RGS7: variants seen among roughly 807,000 people sequenced by gnomAD.
The protein encoded by RGS7 is regulator of G protein signaling 7.
Under a neutral mutation model 81.1 loss-of-function variants are expected in RGS7, and 27 were observed. The ratio of observed to expected loss-of-function variants is 0.33; its 90% CI spans 0.25 to 0.46. The LOEUF (loss-of-function observed/expected upper bound fraction) is 0.46. RGS7 is among the 20% of genes least tolerant of loss of function. RGS7 has a pLI of 1.00. For synonymous variants in RGS7, 208 were observed against 207.7 expected (o/e 1.00, Z -0.01); for missense variants, 396 against 607.4 (o/e 0.65, Z 3.66).
intron 2 of RGS7, among the ~76,000 whole-genome samples, chr1:241,338,998 T>TC (rs1223349879): frequency 6.6e-6 from 1 of 152,062 alleles, no homozygotes; most frequent in African/African-American, 2.4e-5. Context: ...ATCACCTAGG[T>TC]ATTAAGCCCA....
chr1:240,861,185 A>G (rs564913031), intron 9 of RGS7, among the ~76,000 whole-genome samples: 12 of 152,342 alleles, frequency 7.9e-5, no homozygotes, highest in African/African-American at 2.9e-4. Context: ...AAATAAATCA[A>G]CTATTCTCAC....
chr1:241,206,336 T>A (rs1455219601), intron 2 of RGS7, among the ~76,000 whole-genome samples: 3 of 150,704 alleles, frequency 2.0e-5, no homozygotes, highest in Non-Finnish European at 4.4e-5. Flanking sequence ...GCTATTCTCC[T>A]CCCTCCGTCT....
At chr1:241,122,249 T>C (rs1334884352) in intron 2 of RGS7, among the ~76,000 whole-genome samples, 3 of 152,224 alleles carry the variant, frequency 2.0e-5, no homozygotes, top group Non-Finnish European at 2.9e-5. Flanking sequence ...CTATACCTTC[T>C]ATTTAGCATT....
intron 4 of RGS7, among the ~76,000 whole-genome samples, chr1:240,947,843 AC>A (rs1474434137): frequency 6.6e-6 from 1 of 152,166 alleles, no homozygotes; most frequent in African/African-American, 2.4e-5. Flanking sequence ...TGATCTGGCC[AC>A]CCCAGTTACT....
At chr1:241,309,034 G>C (rs67912305) in intron 2 of RGS7, among the ~76,000 whole-genome samples, 19,596 of 152,038 alleles carry the variant, frequency 0.13, 1,664 homozygotes, top group Non-Finnish European at 0.19. Flanking sequence ...TATTTTCTTT[G>C]CATCTCTCAC....
intron 3 of RGS7, among the ~76,000 whole-genome samples, chr1:240,992,498 C>A (rs987179458): frequency 3.3e-5 from 5 of 151,880 alleles, no homozygotes; most frequent in Non-Finnish European, 7.4e-5. Flanking sequence ...AGCAAGACTC[C>A]GTCTCACAAA....
chr1:241,312,806 A>C (rs982047754), intron 2 of RGS7, among the ~76,000 whole-genome samples: 2 of 152,158 alleles, frequency 1.3e-5, no homozygotes, highest in African/African-American at 4.8e-5. Context: ...AGAAGCATGA[A>C]GCTTCATGAG....
intron 2 of RGS7, among the ~76,000 whole-genome samples, chr1:241,138,192 A>G (rs1179736504): frequency 6.6e-6 from 1 of 151,934 alleles, no homozygotes; most frequent in South Asian, 2.1e-4. Flanking sequence ...AAAAAAAAAA[A>G]AAGAGGAAAT....
At chr1:240,836,286 T>A (rs1302360571) in intron 9 of RGS7, among the ~76,000 whole-genome samples, 1 of 152,062 alleles carries the variant, frequency 6.6e-6, no homozygotes, top group Non-Finnish European at 1.5e-5. Context: ...AACAAACAAC[T>A]CATTCAAGAA....
intron 3 of RGS7, among the ~76,000 whole-genome samples, chr1:241,036,010 C>A (rs571849013): frequency 9.9e-5 from 15 of 152,144 alleles, no homozygotes; most frequent in Non-Finnish European, 1.8e-4. Context: ...ACAGATTATG[C>A]CTGATTCCAC....
intron 2 of RGS7, among the ~76,000 whole-genome samples, chr1:241,120,181 C>T (rs1217513026): frequency 6.6e-6 from 1 of 152,184 alleles, no homozygotes; most frequent in Non-Finnish European, 1.5e-5. Flanking sequence ...CCAGGTGAGC[C>T]ATCCTCAGGC....
intron 2 of RGS7, among the ~76,000 whole-genome samples, chr1:241,334,815 T>C (rs1054938233): frequency 6.6e-6 from 1 of 151,136 alleles, no homozygotes. Flanking sequence ...TCAGTAATTC[T>C]AGTTATAGAA....
At chr1:240,830,331 T>C (rs543311668) in intron 9 of RGS7, among the ~76,000 whole-genome samples, 4 of 152,352 alleles carry the variant, frequency 2.6e-5, no homozygotes, top group African/African-American at 9.6e-5. Context: ...AGCAGATGTC[T>C]GAAACACAAA....
intron 9 of RGS7, among the ~76,000 whole-genome samples, chr1:240,844,689 G>A (rs1056667178): frequency 3.3e-5 from 5 of 152,172 alleles, no homozygotes; most frequent in Non-Finnish European, 5.9e-5. Flanking sequence ...CACTCATAGC[G>A]GCTTGTGATA....
intron 6 of RGS7, among the ~76,000 whole-genome samples, chr1:240,873,869 T>C (rs1194082573): frequency 6.6e-6 from 1 of 152,150 alleles, no homozygotes; most frequent in East Asian, 1.9e-4. Context: ...TGTCATGCTA[T>C]TCTTTTTTTT....
At chr1:240,852,376 C>A (rs1200772774) in intron 9 of RGS7, among the ~76,000 whole-genome samples, 1 of 152,166 alleles carries the variant, frequency 6.6e-6, no homozygotes, top group African/African-American at 2.4e-5. Context: ...TAATAGACTA[C>A]AGTATAGTGT....
intron 2 of RGS7, among the ~76,000 whole-genome samples, chr1:241,125,463 T>C (rs2066594584): frequency 6.6e-6 from 1 of 151,272 alleles, no homozygotes; most frequent in Non-Finnish European, 1.5e-5. Context: ...CACGCTGAAT[T>C]CATCCTCCCT....
chr1:241,117,970 T>G (rs2065985673), intron 2 of RGS7, among the ~76,000 whole-genome samples: 1 of 152,196 alleles, frequency 6.6e-6, no homozygotes, highest in African/African-American at 2.4e-5. Context: ...CAATCTGCAC[T>G]AAAATAAACA....
intron 6 of RGS7, among the ~76,000 whole-genome samples, chr1:240,892,338 C>T (rs1207185947): frequency 6.6e-6 from 1 of 152,076 alleles, no homozygotes; most frequent in Admixed American, 6.6e-5. Flanking sequence ...CTTAAAATTT[C>T]TCTAGAGGTT....
Sources: gnomAD v4.1 joint callset for allele counts (sites outside exome capture counted in the v4.1 genomes callset) on GRCh38, gnomAD v4.1.1 for gene constraint, MANE v1.5 for transcripts, NCBI Gene and HGNC (gene_info 2026-07-23, HGNC 2026-07-21) for gene names.